The following PLXNA4 variants were observed in gnomAD, a reference collection of about 807,000 sequenced individuals.
PLXNA4 encodes plexin-A4.
In PLXNA4, 44 loss-of-function variants were observed where a neutral mutation model predicts 191.8. That is an observed-to-expected ratio of 0.23 (90% confidence interval 0.18 to 0.29). The LOEUF (loss-of-function observed/expected upper bound fraction) is 0.29, where lower values mean the gene tolerates loss of function less well. Ranked by LOEUF, PLXNA4 falls within the 10% of genes least tolerant of loss-of-function variation. The pLI, the probability that PLXNA4 is intolerant of heterozygous loss-of-function variation, is 1.00. For synonymous variants in PLXNA4, 1,082 were observed against 1,009.5 expected (o/e 1.07, Z -1.36); for missense variants, 1,800 against 2,488.8 (o/e 0.72, Z 5.89).
rs988837284 is a variant in PLXNA4, at chr7:132,364,820, G to A, written c.1372-66598C>T. Among the ~76,000 whole-genome samples the A allele has an allele frequency of 6.6e-5, 10 of 152,326 alleles. No homozygotes were observed. The South Asian group carries it at 1.9e-3, about 28-fold the overall frequency. On this transcript the variant is annotated intron_variant, in intron 3 of 31. Transcript: ENST00000321063. ...TTGACTCCTAGGGCTGATACTTCTA[G>A]TGTGTGAATTTAGGAAAATTATTAC...
intron 3 of PLXNA4, among the ~76,000 whole-genome samples, chr7:132,455,509 C>T (rs987456495): frequency 6.6e-6 from 1 of 152,106 alleles, no homozygotes; most frequent in Non-Finnish European, 1.5e-5. Flanking sequence ...CCCCAATGCA[C>T]TCACTCACAC....
chr7:132,289,316 C>A (rs1003847184), intron 4 of PLXNA4, among the ~76,000 whole-genome samples: 3 of 152,218 alleles, frequency 2.0e-5, no homozygotes, highest in Non-Finnish European at 4.4e-5. Flanking sequence ...CCTGACTCCA[C>A]TTAATCCACT....
chr7:132,174,919 G>T lies in PLXNA4; in HGVS notation c.3876C>A (p.Ala1292=), dbSNP rs13232207. 0.04 allele frequency: 65,110 copies of T among 1,613,946 alleles called. 3,445 individuals are homozygous for T. The highest frequency in any genetic ancestry group is 0.23 in the East Asian group (10,232 of 44,862). ...ESRVALECKE[A]FAELQTDIHE... is the part of the protein sequence containing the mutation. The stretch of plus-strand genomic sequence containing the variant: ...GGATGTCCGTCTGCAGCTCGGCAAA[G>T]GCTGGCACGAAGAGAAGCCTGTGAG... The change falls in exon 21 of 32, where the codon GCC becomes GCA. Residue 1292 remains alanine, a splice_region_variant and synonymous_variant. Coordinates refer to ENST00000321063, the MANE Select transcript of PLXNA4 (RefSeq NM_020911.2).
intron 4 of PLXNA4, among the ~76,000 whole-genome samples, chr7:132,267,890 G>A (rs958642413): frequency 7.2e-5 from 11 of 152,076 alleles, no homozygotes; most frequent in Non-Finnish European, 1.3e-4. Context: ...CAGGACCTTG[G>A]CCATCAAGAG....
At chr7:132,177,631 A>C (rs920597523) in intron 20 of PLXNA4, among the ~76,000 whole-genome samples, 3 of 152,204 alleles carry the variant, frequency 2.0e-5, no homozygotes, top group African/African-American at 7.2e-5. Flanking sequence ...CACAGGGAGC[A>C]GAAGGAGGGT....
intron 3 of PLXNA4, among the ~76,000 whole-genome samples, chr7:132,466,317 C>T (rs1049906069): frequency 5.9e-5 from 9 of 152,172 alleles, no homozygotes; most frequent in South Asian, 2.1e-4. Context: ...GATGAGGACC[C>T]GTATGGGCTC....
At chr7:132,132,441 TG>T (rs1269096933) in intron 31 of PLXNA4, among the ~76,000 whole-genome samples, 15 of 60,180 alleles carry the variant, frequency 2.5e-4, no homozygotes, top group Non-Finnish European at 3.8e-4. Context: ...TGTTCTGTTC[TG>T]TTCTGTTCTG....
At chr7:132,196,282 C>G (rs1043529247) in intron 13 of PLXNA4, among the ~76,000 whole-genome samples, 2 of 152,234 alleles carry the variant, frequency 1.3e-5, no homozygotes, top group Non-Finnish European at 2.9e-5. Context: ...TGCCACGCTG[C>G]CTTGCACCCA....
At chr7:132,206,151 A>G (rs542678119) in intron 10 of PLXNA4, among the ~76,000 whole-genome samples, 1 of 152,198 alleles carries the variant, frequency 6.6e-6, no homozygotes, top group Non-Finnish European at 1.5e-5. Context: ...CCCCATTGGT[A>G]AAGTGGGAAT....
At chr7:132,413,259 G>T (rs1178196461) in intron 3 of PLXNA4, among the ~76,000 whole-genome samples, 1 of 152,198 alleles carries the variant, frequency 6.6e-6, no homozygotes, top group Non-Finnish European at 1.5e-5. Context: ...AAGCAACTCT[G>T]AAGATTTCCT....
At chr7:132,561,504 C>T (rs1338297545) in intron 1 of PLXNA4, among the ~76,000 whole-genome samples, 2 of 128,984 alleles carry the variant, frequency 1.6e-5, no homozygotes, top group African/African-American at 3.1e-5. Flanking sequence ...TCCTCCCCCA[C>T]CTCCTCCTCC....
chr7:132,616,023 G>A (rs1013002602), intron 2 of PLXNA4, among the ~76,000 whole-genome samples: 1 of 143,244 alleles, frequency 7.0e-6, no homozygotes. Flanking sequence ...CTAGCAACAC[G>A]CTTCCCTTGG....
chr7:132,454,524 T>C (rs925041170), intron 3 of PLXNA4, among the ~76,000 whole-genome samples: 3 of 151,944 alleles, frequency 2.0e-5, no homozygotes, highest in African/African-American at 7.3e-5. Flanking sequence ...AGAAAGGACG[T>C]TGTTCTGAGC....
Position 132,328,836 on chromosome 7 carries a change from T to G in PLXNA4, c.1372-30614A>C, listed in dbSNP as rs117556627. Among the ~76,000 whole-genome samples the G allele has an allele frequency of 9.0e-3, 1,370 of 152,288 alleles. 31 individuals carry two copies. Among genetic ancestry groups the G allele is most frequent in the Non-Finnish European group, 7.3e-3 (497 of 68,020 alleles). ...GCTCTACAAGCATGATTTCCTGTCC[T>G]GCTCATGGCAACTCTGAGAGGGAGA... On this transcript the variant is annotated intron_variant, in intron 3 of 31. Transcript: ENST00000321063.
At chr7:132,384,100 G>A (rs2116954322) in intron 3 of PLXNA4, 2 of 985,420 alleles carry the variant, frequency 2.0e-6, no homozygotes, top group Non-Finnish European at 2.4e-6. Flanking sequence ...TTCAGTGCAA[G>A]CACACAGATG....
At chr7:132,435,310 G>GA (rs1221555709) in intron 3 of PLXNA4, among the ~76,000 whole-genome samples, 1 of 152,076 alleles carries the variant, frequency 6.6e-6, no homozygotes, top group Admixed American at 6.5e-5. Flanking sequence ...GGGGAGGGGG[G>GA]AGAGATTCTG....
intron 13 of PLXNA4, among the ~76,000 whole-genome samples, chr7:132,195,638 A>G (rs986170128): frequency 1.3e-5 from 2 of 152,142 alleles, no homozygotes; most frequent in African/African-American, 4.8e-5. Flanking sequence ...GGGGGAAAAA[A>G]TCTCATTTTT....
chr7:132,188,304 T>C (rs1256873183), intron 14 of PLXNA4, among the ~76,000 whole-genome samples: 4 of 152,244 alleles, frequency 2.6e-5, no homozygotes, highest in African/African-American at 9.6e-5. Flanking sequence ...TCTTGACAGC[T>C]GGGGATTTGG....
intron 2 of PLXNA4, among the ~76,000 whole-genome samples, chr7:132,490,985 G>C (rs888985129): frequency 5.3e-5 from 8 of 152,206 alleles, no homozygotes; most frequent in Admixed American, 2.0e-4. Flanking sequence ...GACCCTGGTA[G>C]TAGCTGGTGA....
Sources: gnomAD v4.1 joint callset for allele counts (sites outside exome capture counted in the v4.1 genomes callset) on GRCh38, gnomAD v4.1.1 for gene constraint, MANE v1.5 for transcripts, NCBI Gene and HGNC (gene_info 2026-07-23, HGNC 2026-07-21) for gene names.